LRRC7: variants seen among roughly 807,000 people sequenced by gnomAD.
LRRC7 encodes leucine-rich repeat-containing protein 7.
Under a neutral mutation model 175.7 loss-of-function variants are expected in LRRC7, and 23 were observed. The observed-to-expected ratio is 0.13, with a 90% CI of 0.09 to 0.19. The LOEUF (loss-of-function observed/expected upper bound fraction) is 0.19, where lower values mean the gene tolerates loss of function less well. Among genes scored for constraint, LRRC7 ranks in the 10% least tolerant of loss-of-function variants. The pLI, the probability that LRRC7 is intolerant of heterozygous loss-of-function variation, is 1.00. For missense variants in LRRC7, 1,354 were observed against 1,904.7 expected, an observed-to-expected ratio of 0.71 and a Z score of 5.38; for synonymous variants, 685 against 680.9, an observed-to-expected ratio of 1.01 and a Z score of -0.09.
intron 4 of LRRC7, among the ~76,000 whole-genome samples, chr1:69,798,209 C>T (rs1360064389): frequency 6.6e-6 from 1 of 152,090 alleles, no homozygotes; most frequent in African/African-American, 2.4e-5. Flanking sequence ...CATGAGCCAC[C>T]GCGCCTGGCT....
intron 2 of LRRC7, among the ~76,000 whole-genome samples, chr1:69,719,843 G>A (rs1666160647): frequency 6.6e-6 from 1 of 151,500 alleles, no homozygotes; most frequent in Non-Finnish European, 1.5e-5. Flanking sequence ...TTTATGGATT[G>A]ATCACTTTAT....
At chr1:69,765,321 G>A (rs189614830) in intron 3 of LRRC7, among the ~76,000 whole-genome samples, 30 of 152,208 alleles carry the variant, frequency 2.0e-4, no homozygotes, top group African/African-American at 7.0e-4. Context: ...AGGTTATGCT[G>A]CAGTAAAAAC....
chr1:69,684,320 T>C (rs1660855040), intron 2 of LRRC7, among the ~76,000 whole-genome samples: 1 of 150,764 alleles, frequency 6.6e-6, no homozygotes, highest in South Asian at 2.1e-4. Flanking sequence ...ATTTCAAAAA[T>C]AAAAATGCAT....
intron 1 of LRRC7, among the ~76,000 whole-genome samples, chr1:69,626,523 T>C (rs1651577915): frequency 1.3e-5 from 2 of 152,056 alleles, no homozygotes; most frequent in South Asian, 4.1e-4. Context: ...AGTTTCACTT[T>C]AGTGTAGACA....
Position 70,136,282 on chromosome 1 carries a change from A to G in LRRC7, c.*14395A>G, listed in dbSNP as rs1437835908. ...GCCCCGCAGGTTCACCTATACCCCA[A>G]AATATATACTTATATTTTGAGTATT... On this transcript the variant is annotated 3_prime_UTR_variant, in exon 27 of 27. Coordinates refer to ENST00000651989, the MANE Select transcript of LRRC7 (RefSeq NM_001370785.2). Among the ~76,000 whole-genome samples the G allele has an allele frequency of 6.6e-6, 1 of 151,842 alleles. No homozygotes were observed. Among genetic ancestry groups the G allele is most frequent in the Non-Finnish European group, 1.5e-5 (1 of 67,968 alleles).
In LRRC7 at chr1:69,724,307, A is replaced by T. The variant is rs558089732; in HGVS notation, c.101-35884A>T. On this transcript the variant is annotated intron_variant, in intron 2 of 26. Transcript: ENST00000651989. ...CAGTGAACCAAGATCACACCACTGC[A>T]CTCCAGACTGGGCGACAGAACGAGA... Among the ~76,000 whole-genome samples the T allele has an allele frequency of 4.0e-3, 605 of 152,232 alleles. 1 individual carries two copies. The highest frequency in any genetic ancestry group is 5.1e-3 in the Non-Finnish European group (350 of 68,014).
intron 23 of LRRC7, among the ~76,000 whole-genome samples, chr1:70,065,301 T>C (rs544755795): frequency 6.6e-6 from 1 of 152,102 alleles, no homozygotes; most frequent in Admixed American, 6.6e-5. Context: ...CTTAACTTTG[T>C]CTTTATTGGC....
At chr1:69,861,811 T>C (rs1342835660) in intron 7 of LRRC7, among the ~76,000 whole-genome samples, 2 of 152,134 alleles carry the variant, frequency 1.3e-5, no homozygotes, top group Non-Finnish European at 2.9e-5. Context: ...CCGCAGTGTC[T>C]GTGTGTGGCG....
At position 69,886,794 on chromosome 1, in the gene LRRC7, C is replaced by G. The variant is rs553233231; in HGVS notation, c.648-44713C>G. 3.3e-4 allele frequency among the ~76,000 whole-genome samples: 50 copies of G among 150,832 alleles called. No homozygotes were observed. The East Asian group carries it at 4.8e-3, about 14-fold the overall frequency. The stretch of plus-strand genomic sequence containing the variant: ...CCATGTTTAGCGCTTCCTTCAGGAG[C>G]TCTTTTAGGGCAGGCCTGGTGGTGA... On this transcript the variant is annotated intron_variant, in intron 7 of 26. Transcript: ENST00000651989.
intron 21 of LRRC7, among the ~76,000 whole-genome samples, chr1:70,042,989 C>G (rs920618989): frequency 6.6e-6 from 1 of 150,708 alleles, no homozygotes; most frequent in African/African-American, 2.4e-5. Flanking sequence ...AAGTTAACTT[C>G]TGTGATTTTT....
intron 13 of LRRC7, among the ~76,000 whole-genome samples, chr1:70,014,539 A>C (rs1475693661): frequency 6.6e-6 from 1 of 152,020 alleles, no homozygotes; most frequent in African/African-American, 2.4e-5. Flanking sequence ...TATGGAGCCA[A>C]ATTACTATTT....
intron 23 of LRRC7, among the ~76,000 whole-genome samples, chr1:70,056,292 T>C (rs1385121663): frequency 6.6e-6 from 1 of 152,080 alleles, no homozygotes. Flanking sequence ...GTACAGTACA[T>C]AGGAAGAATA....
At chr1:69,578,840 C>G (rs376053123) in intron 1 of LRRC7, among the ~76,000 whole-genome samples, 1,540 of 147,230 alleles carry the variant, frequency 0.01, 25 homozygotes, top group African/African-American at 0.035. Flanking sequence ...ATACCTAATG[C>G]TAAATGACGA....
At chr1:69,634,719 A>G (rs187210805) in intron 1 of LRRC7, among the ~76,000 whole-genome samples, 165 of 152,148 alleles carry the variant, frequency 1.1e-3, no homozygotes, top group Non-Finnish European at 1.9e-3. Context: ...TCCTGTGACC[A>G]CCTTTCTTAG....
At chr1:69,717,853 G>GGAAA (rs144400631) in intron 2 of LRRC7, among the ~76,000 whole-genome samples, 1,845 of 15,560 alleles carry the variant, frequency 0.12, 458 homozygotes, top group African/African-American at 0.27. Flanking sequence ...AAGAAAGAAA[G>GGAAA]GAAAGAAAGA....
chr1:69,616,605 G>A (rs1649662360), intron 1 of LRRC7, among the ~76,000 whole-genome samples: 1 of 152,020 alleles, frequency 6.6e-6, no homozygotes, highest in Non-Finnish European at 1.5e-5. Flanking sequence ...TTATGATGAG[G>A]AAAGGTAATA....
intron 8 of LRRC7, among the ~76,000 whole-genome samples, chr1:69,946,083 G>T (rs1570758531): frequency 6.6e-6 from 1 of 152,140 alleles, no homozygotes; most frequent in African/African-American, 2.4e-5. Context: ...TAGTTTTTCA[G>T]TGTCGAGCAT....
At chr1:69,924,997 T>A (rs1044222903) in intron 7 of LRRC7, among the ~76,000 whole-genome samples, 4 of 151,994 alleles carry the variant, frequency 2.6e-5, no homozygotes, top group Non-Finnish European at 2.9e-5. Context: ...TTATTGAGAG[T>A]TTTTAGCATG....
chr1:69,798,434 T>A (rs72941486), intron 4 of LRRC7, among the ~76,000 whole-genome samples: 1 of 152,138 alleles, frequency 6.6e-6, no homozygotes, highest in Non-Finnish European at 1.5e-5. Context: ...GTTAAGGGTC[T>A]CCCCTCTGTA....
Sources: gnomAD v4.1 joint callset for allele counts (sites outside exome capture counted in the v4.1 genomes callset) on GRCh38, gnomAD v4.1.1 for gene constraint, MANE v1.5 for transcripts, NCBI Gene and HGNC (gene_info 2026-07-23, HGNC 2026-07-21) for gene names.